The following FGF14 variants were observed in gnomAD, a reference collection of about 807,000 sequenced individuals.
The protein encoded by FGF14 is fibroblast growth factor 14.
Under a neutral mutation model 25.5 loss-of-function variants are expected in FGF14, and 5 were observed. The ratio of observed to expected loss-of-function variants is 0.20; its 90% CI spans 0.10 to 0.41. The LOEUF is 0.41. Among genes scored for constraint, FGF14 ranks in the 10% least tolerant of loss-of-function variants. The pLI, the probability that FGF14 is intolerant of heterozygous loss-of-function variation, is 1.00. For synonymous variants in FGF14, 138 were observed against 118.3 expected (o/e 1.17, Z -1.08); for missense variants, 222 against 320.1 (o/e 0.69, Z 2.34).
intron 1 of FGF14, among the ~76,000 whole-genome samples, chr13:102,333,302 A>G (rs2138849125): frequency 6.6e-6 from 1 of 152,310 alleles, no homozygotes; most frequent in African/African-American, 2.4e-5. Flanking sequence ...TATAACTAGA[A>G]AATCAGTGTG....
At chr13:102,138,099 G>T (rs1462960304) in intron 1 of FGF14, among the ~76,000 whole-genome samples, 1 of 150,810 alleles carries the variant, frequency 6.6e-6, no homozygotes, top group Non-Finnish European at 1.5e-5. Context: ...GTTTTATCTC[G>T]GGACTCATCC....
chr13:101,921,446 A>C (rs2034000046), upstream of FGF14, among the ~76,000 whole-genome samples: 1 of 152,112 alleles, frequency 6.6e-6, no homozygotes, highest in Non-Finnish European at 1.5e-5. Context: ...TGGCAACTTC[A>C]TTCTTGTTCC....
intron 3 of FGF14, among the ~76,000 whole-genome samples, chr13:101,734,938 T>A (rs1424251351): frequency 6.6e-6 from 1 of 152,232 alleles, no homozygotes; most frequent in South Asian, 2.1e-4. Context: ...TGATTCTAAT[T>A]CTTCATCCTC....
chr13:101,989,710 T>C (rs2038791869), intron 1 of FGF14, among the ~76,000 whole-genome samples: 1 of 152,178 alleles, frequency 6.6e-6, no homozygotes, highest in Admixed American at 6.6e-5. Context: ...CAAATATGTT[T>C]TAGTCTTAAA....
chr13:101,772,644 A>G (rs138785818), intron 3 of FGF14, among the ~76,000 whole-genome samples: 1 of 152,238 alleles, frequency 6.6e-6, no homozygotes, highest in East Asian at 1.9e-4. Flanking sequence ...TTGCAACCCA[A>G]ATAAGGCTGA....
intron 3 of FGF14, among the ~76,000 whole-genome samples, chr13:101,791,802 G>A (rs1013057916): frequency 6.6e-6 from 1 of 152,036 alleles, no homozygotes; most frequent in Non-Finnish European, 1.5e-5. Context: ...AAAAATTTGT[G>A]AGCATTAAGG....
At chr13:102,303,463 T>C (rs944604157) in intron 1 of FGF14, among the ~76,000 whole-genome samples, 2 of 152,160 alleles carry the variant, frequency 1.3e-5, no homozygotes, top group Non-Finnish European at 2.9e-5. Context: ...TAAAAGGAAA[T>C]CAATAAAGAA....
chr13:102,345,782 A>T (rs1308595520), intron 1 of FGF14, among the ~76,000 whole-genome samples: 1 of 152,206 alleles, frequency 6.6e-6, no homozygotes, highest in African/African-American at 2.4e-5. Flanking sequence ...TGCAACAAAG[A>T]TTATATATTC....
intron 1 of FGF14, among the ~76,000 whole-genome samples, chr13:101,880,844 TG>T (rs2045669581): frequency 6.6e-6 from 1 of 152,112 alleles, no homozygotes; most frequent in Non-Finnish European, 1.5e-5. Flanking sequence ...CTTTCTGTTT[TG>T]TTTTTAAAGT....
chr13:102,208,744 C>T (rs2050043584), intron 1 of FGF14, among the ~76,000 whole-genome samples: 1 of 152,060 alleles, frequency 6.6e-6, no homozygotes, highest in East Asian at 1.9e-4. Context: ...AGGAGATCAT[C>T]CAAGACATAA....
chr13:102,247,711 T>C (rs1434820108), intron 1 of FGF14, among the ~76,000 whole-genome samples: 1 of 152,102 alleles, frequency 6.6e-6, no homozygotes, highest in Non-Finnish European at 1.5e-5. Flanking sequence ...AACAGAACTA[T>C]CATTCAACTC....
chr13:102,155,384 G>T (rs2047283121), intron 1 of FGF14, among the ~76,000 whole-genome samples: 1 of 152,200 alleles, frequency 6.6e-6, no homozygotes, highest in African/African-American at 2.4e-5. Flanking sequence ...CAATTACATG[G>T]AAACTGAACA....
chr13:102,132,018 G>T (rs2140415436), intron 1 of FGF14, among the ~76,000 whole-genome samples: 2 of 152,068 alleles, frequency 1.3e-5, no homozygotes, highest in Non-Finnish European at 2.9e-5. Context: ...AGTTTTTTTT[G>T]TTTTGTTTTG....
chr13:101,826,947 T>A (rs1035956392), intron 3 of FGF14, among the ~76,000 whole-genome samples: 9 of 151,960 alleles, frequency 5.9e-5, no homozygotes, highest in Admixed American at 2.0e-4. Context: ...AACTACTAGA[T>A]AAAGACACTA....
At chr13:102,096,855 A>G (rs2044425946) in intron 1 of FGF14, among the ~76,000 whole-genome samples, 1 of 152,204 alleles carries the variant, frequency 6.6e-6, no homozygotes, top group South Asian at 2.1e-4. Context: ...TGCTTGAACA[A>G]TGGGAAATTT....
rs529622068 is a variant in FGF14 at position 101,750,146 on chromosome 13, G to C, written c.409-23336C>G. 2.0e-4 allele frequency among the ~76,000 whole-genome samples: 30 copies of C among 152,220 alleles called. No individual in the cohort carries two copies. The South Asian group carries it at 6.0e-3, about 30-fold the overall frequency. On this transcript the variant is annotated intron_variant, in intron 3 of 4. Coordinates refer to ENST00000376143, the MANE Select transcript of FGF14 (RefSeq NM_004115.4). ...CCAGAACTGTGAGACATATATTTCTGTTGTGTATAAGCTACACAGTTTATA... is the reference window on the plus strand; with the variant it reads ...CCAGAACTGTGAGACATATATTTCTCTTGTGTATAAGCTACACAGTTTATA...
chr13:102,120,833 A>G (rs1416873655), intron 1 of FGF14, among the ~76,000 whole-genome samples: 2 of 151,596 alleles, frequency 1.3e-5, no homozygotes, highest in Non-Finnish European at 2.9e-5. Flanking sequence ...CCTCCCAAGT[A>G]GCTGGGATTA....
intron 1 of FGF14, among the ~76,000 whole-genome samples, chr13:101,906,296 G>A (rs1467399792): frequency 2.0e-5 from 3 of 152,134 alleles, no homozygotes; most frequent in Admixed American, 6.6e-5. Flanking sequence ...AATGATTAAG[G>A]TGCTGGTGGC....
intron 1 of FGF14, among the ~76,000 whole-genome samples, chr13:101,961,203 T>C (rs895434619): frequency 6.6e-6 from 1 of 152,202 alleles, no homozygotes; most frequent in Non-Finnish European, 1.5e-5. Context: ...AGATCCCATG[T>C]GTCAATTTTT....
Sources: allele counts gnomAD v4.1 joint callset (sites outside exome capture counted in the v4.1 genomes callset), GRCh38; gene constraint gnomAD v4.1.1; transcripts MANE v1.5; gene names NCBI Gene and HGNC (gene_info 2026-07-23, HGNC 2026-07-21).